MPRIP: variants seen among roughly 807,000 people sequenced by gnomAD.
MPRIP encodes myosin phosphatase Rho-interacting protein.
In MPRIP, 59 loss-of-function variants were observed where a neutral mutation model predicts 234.9. That is an observed-to-expected ratio of 0.25 (90% CI 0.20 to 0.31). MPRIP has a LOEUF of 0.31. Ranked by LOEUF, MPRIP falls within the 10% of genes least tolerant of loss-of-function variation. MPRIP has a pLI of 1.00. For missense variants in MPRIP, 2,436 were observed against 3,071.0 expected (o/e 0.79, Z 4.89); for synonymous variants, 1,144 against 1,263.9 (o/e 0.91, Z 2.01).
At chr17:17,101,378 C>T (rs1017249111) in intron 3 of MPRIP, among the ~76,000 whole-genome samples, 6 of 152,136 alleles carry the variant, frequency 3.9e-5, no homozygotes, top group African/African-American at 1.2e-4. Context: ...CCAGCCTGGC[C>T]AACAGGATGA....
intron 3 of MPRIP, among the ~76,000 whole-genome samples, chr17:17,116,331 A>G (rs1247239038): frequency 6.6e-6 from 1 of 152,188 alleles, no homozygotes; most frequent in East Asian, 1.9e-4. Flanking sequence ...CCGGCAGGAC[A>G]GTGATAAAGG....
Position 17,173,898 on chromosome 17 carries a change from G to A in MPRIP, c.6591-18G>A. ...TGTCCAGAAGCAGGCAGAGGAGTGA[G>A]TGCTGCCCTCTCCCCAGGGAGGAGC... On this transcript the variant is annotated intron_variant, in intron 18 of 23. Coordinates refer to ENST00000651222, the MANE Select transcript of MPRIP (RefSeq NM_001364716.4). The A allele has an allele frequency of 6.2e-7, 1 of 1,613,228 alleles. No homozygotes were observed. The highest frequency in any genetic ancestry group is 1.1e-5 in the South Asian group (1 of 91,072).
intron 23 of MPRIP, among the ~76,000 whole-genome samples, chr17:17,183,526 A>G (rs2046415644): frequency 6.6e-6 from 1 of 152,236 alleles, no homozygotes; most frequent in East Asian, 1.9e-4. Context: ...TGGACCAGTG[A>G]GTTTTAAAAT....
intron 4 of MPRIP, among the ~76,000 whole-genome samples, chr17:17,130,571 G>T (rs1326716807): frequency 1.3e-5 from 2 of 151,740 alleles, no homozygotes; most frequent in African/African-American, 4.8e-5. Context: ...GGATACAGCA[G>T]TACAGACCCC....
At chr17:17,080,407 G>A (rs1056510467) in intron 3 of MPRIP, among the ~76,000 whole-genome samples, 3 of 152,242 alleles carry the variant, frequency 2.0e-5, no homozygotes, top group Non-Finnish European at 4.4e-5. Flanking sequence ...CCCCAAACAG[G>A]CTGGCAGGAT....
rs138385501 is a variant in MPRIP at position 17,161,831 on chromosome 17, T to C, written c.2517+475T>C. Among the ~76,000 whole-genome samples the C allele has an allele frequency of 3.2e-3, 491 of 152,296 alleles. 1 individual carries two copies. Among genetic ancestry groups the C allele is most frequent in the East Asian group, 0.013 (68 of 5,190 alleles). On this transcript the variant is annotated intron_variant, in intron 15 of 23. Coordinates refer to ENST00000651222, the MANE Select transcript of MPRIP (RefSeq NM_001364716.4). The stretch of plus-strand genomic sequence containing the variant: ...TAGTACTGGACCCCATTCCCATCTG[T>C]TTCTATACCACACCTGGCAGGCAGA...
At position 17,187,174 on chromosome 17, in the gene MPRIP, G is replaced by A. The variant is rs1330418230; in HGVS notation, c.*2280G>A. 3 of 152,244 alleles carry A rather than the reference G, an allele frequency of 2.0e-5. No homozygotes were observed. Among genetic ancestry groups the A allele is most frequent in the African/African-American group, 7.2e-5 (3 of 41,458 alleles). The allele number at this position is 152,244 out of a possible 1,614,324, so 9.4% of individuals were successfully genotyped here. A position where few individuals can be genotyped will look rare whatever the true frequency, so the allele number is the denominator to read the frequency against. ...CTCACAGTGCTTTAAATTAAAGCAA[G>A]TTTGCCCATAGGACAAAAGAGCATT... On this transcript the variant is annotated 3_prime_UTR_variant, in exon 24 of 24. Transcript: ENST00000651222.
intron 21 of MPRIP, 63 bp from the exon 22 acceptor site, chr17:17,177,187 C>T (rs2046273267): frequency 6.6e-7 from 1 of 1,506,182 alleles, no homozygotes; most frequent in Non-Finnish European, 9.2e-7. Context: ...GGAAGACAGG[C>T]CATGTTGTAT....
chr17:17,142,888 A>G (rs972848547), intron 8 of MPRIP, 123 bp downstream of exon 8: 15 of 1,093,772 alleles, frequency 1.4e-5, no homozygotes, highest in Non-Finnish European at 1.9e-5. Context: ...CTCTCCAACC[A>G]CCTCCTCTGC....
At chr17:17,046,635 C>T (rs376791127) in intron 1 of MPRIP, among the ~76,000 whole-genome samples, 2 of 152,008 alleles carry the variant, frequency 1.3e-5, no homozygotes, top group Non-Finnish European at 2.9e-5. Flanking sequence ...ATTGCCTGTT[C>T]GTATTGCTTG....
At position 17,161,392 on chromosome 17, in the gene MPRIP, TC is replaced by T. The variant is rs769735029; in HGVS notation, c.2517+37del. 3.5e-6 allele frequency: 5 copies of T among 1,426,562 alleles called. No individual in the cohort carries two copies. The South Asian group carries it at 5.0e-5, about 14-fold the overall frequency. 88.4% of individuals were successfully genotyped at this position (1,426,562 alleles called of 1,614,324 possible). A position where few individuals can be genotyped will look rare whatever the true frequency, so the allele number is the denominator to read the frequency against. ...GGGGCTGCTGTGGCCCATGGTGCGC[TC>T]AGGAGCTTCAGTGTGAAGGGTTCAT... is the stretch of plus-strand genomic sequence containing the variant. On this transcript the variant is annotated intron_variant, in intron 15 of 23. Coordinates refer to ENST00000651222, the MANE Select transcript of MPRIP (RefSeq NM_001364716.4).
chr17:17,111,929 T>C (rs573513813), intron 3 of MPRIP, among the ~76,000 whole-genome samples: 52 of 152,256 alleles, frequency 3.4e-4, no homozygotes, highest in Middle Eastern at 3.4e-3. Flanking sequence ...TTTGTTTAGC[T>C]TGCCCGACTG....
At position 17,165,712 on chromosome 17, in the gene MPRIP, G is replaced by A. The variant is rs1259094396; in HGVS notation, c.4121G>A (p.Gly1374Asp). 1.5e-6 allele frequency: 2 copies of A among 1,305,046 alleles called. No individual in the cohort carries two copies. The highest frequency in any genetic ancestry group is 5.5e-5 in the East Asian group (1 of 18,032). 80.8% of individuals were successfully genotyped at this position (1,305,046 alleles called of 1,614,324 possible). A position where few individuals can be genotyped will look rare whatever the true frequency, so the allele number is the denominator to read the frequency against. ...EPAPSVLPATGDSDTYLSIIH... is the reference protein window; with the variant it reads ...EPAPSVLPATDDSDTYLSIIH... ...GCACCCAGTGTACTGCCTGCAACTG[G>A]CGACTCTGACACGTACCTCTCCATC... Residue 1374 changes from glycine to aspartate, a missense_variant, in exon 16 of 24, where the codon GGC becomes GAC. Transcript: ENST00000651222.
chr17:17,127,109 A>T (rs1032867771), intron 4 of MPRIP, among the ~76,000 whole-genome samples: 2 of 151,646 alleles, frequency 1.3e-5, no homozygotes, highest in Non-Finnish European at 2.9e-5. Flanking sequence ...CCACCATTGC[A>T]CTCACCACAC....
intron 1 of MPRIP, among the ~76,000 whole-genome samples, chr17:17,052,851 T>G (rs1435267968): frequency 1.3e-5 from 2 of 152,238 alleles, no homozygotes; most frequent in Non-Finnish European, 2.9e-5. Context: ...AATAGCTTTG[T>G]CCTTGATCTC....
intron 3 of MPRIP, among the ~76,000 whole-genome samples, chr17:17,101,819 A>G (rs1307648173): frequency 1.3e-5 from 2 of 152,200 alleles, no homozygotes; most frequent in Non-Finnish European, 2.9e-5. Context: ...CTGCAGTTCA[A>G]GTGCCCTTTC....
intron 1 of MPRIP, among the ~76,000 whole-genome samples, chr17:17,072,367 C>A (rs1002588907): frequency 1.3e-5 from 2 of 152,200 alleles, no homozygotes; most frequent in East Asian, 3.9e-4. Context: ...CCTCCACTCC[C>A]TCTGCACACC....
At chr17:17,090,992 G>C (rs75286269) in intron 3 of MPRIP, among the ~76,000 whole-genome samples, 5,817 of 151,852 alleles carry the variant, frequency 0.038, 326 homozygotes, top group African/African-American at 0.12. Flanking sequence ...CTGTCAGGTG[G>C]CCAATACCTG....
At position 17,126,866 on chromosome 17, in the gene MPRIP, G is replaced by C. The variant is rs369900323; in HGVS notation, c.419+13G>C. 6.2e-7 allele frequency: 1 copy of C among 1,610,564 alleles called. No homozygotes were observed. Among genetic ancestry groups the C allele is most frequent in the Non-Finnish European group, 8.5e-7 (1 of 1,177,890 alleles). Reference sequence around the variant, plus strand: ...AGATCGTCAGTGGGTGAGTATGCTGGCACTGTGGAACAAGGCACCACCACC... The same window carrying C: ...AGATCGTCAGTGGGTGAGTATGCTGCCACTGTGGAACAAGGCACCACCACC... On this transcript the variant is annotated intron_variant, in intron 4 of 23. Coordinates refer to ENST00000651222, the MANE Select transcript of MPRIP (RefSeq NM_001364716.4).
Sources: allele counts gnomAD v4.1 joint callset (sites outside exome capture counted in the v4.1 genomes callset), GRCh38; gene constraint gnomAD v4.1.1; transcripts MANE v1.5; gene names NCBI Gene and HGNC (gene_info 2026-07-23, HGNC 2026-07-21).